Variants in ABTB3 observed in about 807,000 individuals in gnomAD.
ABTB3 encodes the protein ankyrin repeat and BTB domain containing 3.
At chr12:107,357,648 A>G in the ABTB3 span, among the ~76,000 whole-genome samples, 1 of 152,178 alleles carries the variant, frequency 6.6e-6, no homozygotes, top group East Asian at 1.9e-4. Flanking sequence ...AATAAGTGAT[A>G]TCTGCTTACT....
chr12:107,416,389 C>G, the ABTB3 span, among the ~76,000 whole-genome samples: 1 of 152,112 alleles, frequency 6.6e-6, no homozygotes, highest in Non-Finnish European at 1.5e-5. Flanking sequence ...CTTCCTCTGC[C>G]CAGAAGGTCC....
the ABTB3 span, among the ~76,000 whole-genome samples, chr12:107,334,774 A>G: frequency 6.6e-6 from 1 of 152,142 alleles, no homozygotes. Flanking sequence ...CTTGGGCCAG[A>G]TGGAAGAGGA....
At chr12:107,636,122 G>T in the ABTB3 span, among the ~76,000 whole-genome samples, 37 of 152,242 alleles carry the variant, frequency 2.4e-4, no homozygotes, top group African/African-American at 8.9e-4. Flanking sequence ...GGGTGAAGCT[G>T]GAACTTGAAC....
At chr12:107,319,790 G>A in the ABTB3 span, 1 of 1,448,184 alleles carries the variant, frequency 6.9e-7, no homozygotes, top group African/African-American at 1.5e-5. Context: ...GGCCCCCGCG[G>A]CGGATAAAGA....
At chr12:107,352,738 T>G in the ABTB3 span, among the ~76,000 whole-genome samples, 1 of 151,990 alleles carries the variant, frequency 6.6e-6, no homozygotes, top group Non-Finnish European at 1.5e-5. Flanking sequence ...CTGCTGGGTT[T>G]GTTGGAGGAA....
At chr12:107,438,397 C>T in the ABTB3 span, among the ~76,000 whole-genome samples, 1 of 152,198 alleles carries the variant, frequency 6.6e-6, no homozygotes, top group Non-Finnish European at 1.5e-5. Context: ...CATCCACTTG[C>T]AGAAGCTTGC....
At chr12:107,352,361 A>T in the ABTB3 span, among the ~76,000 whole-genome samples, 159 of 152,272 alleles carry the variant, frequency 1.0e-3, 3 homozygotes, top group African/African-American at 3.6e-3. Context: ...AACTGTCTGG[A>T]TGGAGGCTAG....
At chr12:107,360,109 G>GA in the ABTB3 span, among the ~76,000 whole-genome samples, 1 of 152,180 alleles carries the variant, frequency 6.6e-6, no homozygotes, top group East Asian at 1.9e-4. Context: ...ATGCTGGTAA[G>GA]AATAAGTCAC....
chr12:107,624,753 G>A, the ABTB3 span, among the ~76,000 whole-genome samples: 1 of 152,178 alleles, frequency 6.6e-6, no homozygotes, highest in Non-Finnish European at 1.5e-5. Flanking sequence ...CATCGGAGTT[G>A]TTTCCAGTTT....
At chr12:107,410,381 A>C in the ABTB3 span, among the ~76,000 whole-genome samples, 1 of 151,784 alleles carries the variant, frequency 6.6e-6, no homozygotes, top group Admixed American at 6.6e-5. Flanking sequence ...TTGAGGGGAG[A>C]GTGGGTAGAG....
chr12:107,612,435 G>A, the ABTB3 span, among the ~76,000 whole-genome samples: 3 of 152,166 alleles, frequency 2.0e-5, no homozygotes, highest in African/African-American at 7.2e-5. Flanking sequence ...GATAGCTTAG[G>A]GCTGATATTG....
At chr12:107,553,217 A>C in the ABTB3 span, among the ~76,000 whole-genome samples, 1 of 152,194 alleles carries the variant, frequency 6.6e-6, no homozygotes, top group Non-Finnish European at 1.5e-5. Flanking sequence ...ATCCAGATTG[A>C]TCTCTTCTTT....
At chr12:107,469,778 T>C in the ABTB3 span, among the ~76,000 whole-genome samples, 1 of 152,220 alleles carries the variant, frequency 6.6e-6, no homozygotes, top group Non-Finnish European at 1.5e-5. Context: ...TCAATTTTTC[T>C]TCATCTACAA....
chr12:107,564,421 G>T, the ABTB3 span, among the ~76,000 whole-genome samples: 1 of 152,086 alleles, frequency 6.6e-6, no homozygotes, highest in Non-Finnish European at 1.5e-5. Context: ...GTGCAGCTTC[G>T]CATTATTTAA....
chr12:107,384,276 G>A, the ABTB3 span, among the ~76,000 whole-genome samples: 7 of 152,328 alleles, frequency 4.6e-5, no homozygotes, highest in African/African-American at 1.7e-4. Context: ...GTAGCTAGGA[G>A]GGGTGTGGTT....
At chr12:107,593,307 T>A in the ABTB3 span, among the ~76,000 whole-genome samples, 3 of 152,216 alleles carry the variant, frequency 2.0e-5, no homozygotes. Context: ...AAGCCTAACA[T>A]ACTATCTGGC....
the ABTB3 span, among the ~76,000 whole-genome samples, chr12:107,333,139 T>A: frequency 2.0e-5 from 3 of 152,168 alleles, no homozygotes; most frequent in African/African-American, 7.2e-5. Context: ...CCTTATGGGA[T>A]GTCCAGTTGT....
At chr12:107,420,744 T>C in the ABTB3 span, among the ~76,000 whole-genome samples, 1 of 152,222 alleles carries the variant, frequency 6.6e-6, no homozygotes, top group Non-Finnish European at 1.5e-5. Flanking sequence ...CTGCCTTAGT[T>C]GTGGGACTCA....
At chr12:107,572,113 T>C in the ABTB3 span, among the ~76,000 whole-genome samples, 67 of 152,146 alleles carry the variant, frequency 4.4e-4, 1 homozygote, top group Admixed American at 2.2e-3. Flanking sequence ...TTCTCCTAGA[T>C]TATCTGAGTG....
Sources: allele counts gnomAD v4.1 joint callset (sites outside exome capture counted in the v4.1 genomes callset), GRCh38; gene constraint gnomAD v4.1.1; transcripts MANE v1.5; gene names NCBI Gene and HGNC (gene_info 2026-07-23, HGNC 2026-07-21).